ADAM2: variants seen among roughly 807,000 people sequenced by gnomAD.
The protein encoded by ADAM2 is ADAM metallopeptidase domain 2.
Under a neutral mutation model 99.3 loss-of-function variants are expected in ADAM2, and 101 were observed. The observed-to-expected ratio is 1.02, with a 90% CI of 0.87 to 1.20. The LOEUF (loss-of-function observed/expected upper bound fraction) is 1.20. ADAM2 is among the 50% of genes most tolerant of loss of function. The pLI is 0.00. For missense variants in ADAM2, 948 were observed against 878.7 expected (o/e 1.08, Z -1.00); for synonymous variants, 323 against 287.6 (o/e 1.12, Z -1.25).
intron 11 of ADAM2, 123 bp from the exon 12 acceptor site, chr8:39,769,698 C>T (rs1412343542): frequency 4.2e-5 from 26 of 615,266 alleles, no homozygotes; most frequent in Non-Finnish European, 8.6e-6. Context: ...AGTGTCAATG[C>T]TTTCAATCTC....
intron 16 of ADAM2, among the ~76,000 whole-genome samples, chr8:39,750,340 C>T (rs1219679835): frequency 6.6e-6 from 1 of 152,032 alleles, no homozygotes; most frequent in East Asian, 1.9e-4. Context: ...CAACACAAAT[C>T]TCATCTTGTT....
intron 7 of ADAM2, among the ~76,000 whole-genome samples, chr8:39,798,984 A>T (rs2129586244): frequency 7.6e-6 from 1 of 132,184 alleles, no homozygotes; most frequent in Non-Finnish European, 1.6e-5. Flanking sequence ...TTCTTCAAAA[A>T]ACCAGCTCCT....
intron 7 of ADAM2, among the ~76,000 whole-genome samples, chr8:39,792,774 G>A (rs1315505917): frequency 6.6e-6 from 1 of 152,080 alleles, no homozygotes; most frequent in Admixed American, 6.6e-5. Flanking sequence ...ACCAGCCTCT[G>A]ACTATAAGTT....
At position 39,775,736 on chromosome 8, in the gene ADAM2, G is replaced by A. The variant is rs562531738; in HGVS notation, c.1028+1289C>T. On this transcript the variant is annotated intron_variant, in intron 11 of 20. Coordinates refer to ENST00000265708, the MANE Select transcript of ADAM2 (RefSeq NM_001464.5). The stretch of plus-strand genomic sequence containing the variant: ...TAGATGTAGGTGACATGAAGATCTG[G>A]GATCCCTATTCCCTTATTTACTTGT... 8.0e-4 allele frequency among the ~76,000 whole-genome samples: 122 copies of A among 152,146 alleles called. 1 individual carries two copies. The Middle Eastern group carries it at 0.02, about 25-fold the overall frequency.
chr8:39,812,918 T>C (rs1586142907), intron 6 of ADAM2, among the ~76,000 whole-genome samples: 1 of 152,128 alleles, frequency 6.6e-6, no homozygotes, highest in Non-Finnish European at 1.5e-5. Context: ...AATTGTCAAA[T>C]GGGACCTAAT....
chr8:39,793,225 G>C (rs958422646), intron 7 of ADAM2, among the ~76,000 whole-genome samples: 1 of 152,060 alleles, frequency 6.6e-6, no homozygotes, highest in East Asian at 1.9e-4. Context: ...TGAAGTCTAC[G>C]TTCTGTGCCT....
At chr8:39,822,596 ATTTC>A (rs1805238481) in intron 4 of ADAM2, among the ~76,000 whole-genome samples, 1 of 152,044 alleles carries the variant, frequency 6.6e-6, no homozygotes, top group African/African-American at 2.4e-5. Context: ...TATTTGCTGA[ATTTC>A]TTTCTACTTC....
In ADAM2 at chr8:39,746,511, T is replaced by C; in HGVS notation, c.2135A>G (p.Gln712Arg). 1 of 1,596,952 alleles carries C rather than the reference T, an allele frequency of 6.3e-7. No homozygotes were observed. The highest frequency in any genetic ancestry group is 1.8e-5 in the Admixed American group (1 of 56,130). ...GTCCTCAGTTCTCCATTTTTTCCTT[T>C]GGAAATTAACTTTCACCATTATAGC... The part of the protein sequence containing the change: ...LIAIMVKVNF[Q>R]RKKWRTEDYS... The change falls in exon 19 of 21, where the codon CAA becomes CGA. Residue 712 changes from glutamine (Q) to arginine (R), a missense_variant. Gln to Arg is a conservative substitution (Grantham distance 43). Coordinates refer to ENST00000265708, the MANE Select transcript of ADAM2 (RefSeq NM_001464.5).
At chr8:39,829,131 T>A (rs1041386532) in intron 3 of ADAM2, among the ~76,000 whole-genome samples, 3 of 151,936 alleles carry the variant, frequency 2.0e-5, no homozygotes, top group Non-Finnish European at 4.4e-5. Flanking sequence ...AATTTCTGTT[T>A]CAACAAAGAC....
intron 4 of ADAM2, among the ~76,000 whole-genome samples, chr8:39,823,365 A>G (rs368718637): frequency 6.6e-6 from 1 of 152,186 alleles, no homozygotes; most frequent in East Asian, 1.9e-4. Flanking sequence ...CCTGTTCCCA[A>G]CTGAATTTAA....
chr8:39,757,222 C>G (rs1022638163), intron 15 of ADAM2, among the ~76,000 whole-genome samples: 3 of 151,778 alleles, frequency 2.0e-5, no homozygotes, highest in Non-Finnish European at 4.4e-5. Flanking sequence ...AAAAACCCAA[C>G]TTGCTCAACT....
At chr8:39,748,539 T>G (rs2129582685) in intron 18 of ADAM2, among the ~76,000 whole-genome samples, 1 of 152,324 alleles carries the variant, frequency 6.6e-6, no homozygotes, top group African/African-American at 2.4e-5. Context: ...ATGGCTCTAC[T>G]TGTATGTACA....
chr8:39,782,110 G>A (rs1803258490), intron 10 of ADAM2, among the ~76,000 whole-genome samples: 1 of 152,140 alleles, frequency 6.6e-6, no homozygotes, highest in South Asian at 2.1e-4. Context: ...TCAAGCTTGT[G>A]TTAGAGGATA....
intron 7 of ADAM2, among the ~76,000 whole-genome samples, chr8:39,791,060 A>T (rs909415769): frequency 3.8e-4 from 54 of 142,748 alleles, no homozygotes; most frequent in African/African-American, 5.3e-4. Context: ...CTTACAATTT[A>T]AAAAAAAAAA....
At chr8:39,749,577 G>C in intron 17 of ADAM2, 90 bp downstream of exon 17, 1 of 1,279,474 alleles carries the variant, frequency 7.8e-7, no homozygotes, top group South Asian at 1.3e-5. Context: ...GTGTGTGTGT[G>C]TGTGTGTGCG....
intron 14 of ADAM2, among the ~76,000 whole-genome samples, chr8:39,762,111 C>T (rs1183470448): frequency 6.6e-6 from 1 of 152,126 alleles, no homozygotes; most frequent in Non-Finnish European, 1.5e-5. Flanking sequence ...AAGCTTCAAC[C>T]TACTTAAAAA....
intron 11 of ADAM2, among the ~76,000 whole-genome samples, chr8:39,776,608 C>T (rs973287219): frequency 6.6e-6 from 1 of 151,994 alleles, no homozygotes; most frequent in Non-Finnish European, 1.5e-5. Flanking sequence ...TCTCTCATGA[C>T]AAAGAAAAAG....
At chr8:39,785,560 C>G (rs919480335) in intron 10 of ADAM2, among the ~76,000 whole-genome samples, 3 of 152,140 alleles carry the variant, frequency 2.0e-5, no homozygotes, top group African/African-American at 7.2e-5. Flanking sequence ...CTTTGGGAGA[C>G]CAAGGCGGGG....
Position 39,755,919 on chromosome 8 carries a change from T to C in ADAM2, c.1614-8A>G, listed in dbSNP as rs753334546. On this transcript the variant is annotated splice_region_variant and splice_polypyrimidine_tract_variant and intron_variant, in intron 15 of 20. Transcript: ENST00000265708. Reference sequence around the variant, plus strand: ...TTTCCGCACTGCAGATTGCTATAATTTATCCACAAATAAAAATTATTAATT... The same window carrying C: ...TTTCCGCACTGCAGATTGCTATAATCTATCCACAAATAAAAATTATTAATT... 1.5e-6 allele frequency: 2 copies of C among 1,358,514 alleles called. No homozygotes were observed. The highest frequency in any genetic ancestry group is 1.0e-6 in the Non-Finnish European group (1 of 981,928). 84.2% of individuals were successfully genotyped at this position (1,358,514 alleles called of 1,614,324 possible). A position where few individuals can be genotyped will look rare whatever the true frequency, so the allele number is the denominator to read the frequency against.
Sources: allele counts gnomAD v4.1 joint callset (sites outside exome capture counted in the v4.1 genomes callset), GRCh38; gene constraint gnomAD v4.1.1; transcripts MANE v1.5; gene names NCBI Gene and HGNC (gene_info 2026-07-23, HGNC 2026-07-21).